LAMA2: variants seen among roughly 807,000 people sequenced by gnomAD.
LAMA2 encodes the protein laminin subunit alpha-2.
In LAMA2, 269 loss-of-function variants were observed where a neutral mutation model predicts 364.8. That is an observed-to-expected ratio of 0.74 (90% CI 0.67 to 0.82). The LOEUF (loss-of-function observed/expected upper bound fraction) is 0.82. Ranked by LOEUF, LAMA2 falls within the 40% of genes least tolerant of loss-of-function variation. The pLI is 0.00. For synonymous variants in LAMA2, 1,379 were observed against 1,370.6 expected (o/e 1.01, Z -0.14); for missense variants, 3,807 against 3,873.2 (o/e 0.98, Z 0.45).
intron 32 of LAMA2, among the ~76,000 whole-genome samples, chr6:129,356,466 A>G (rs1777158359): frequency 6.6e-6 from 1 of 152,056 alleles, no homozygotes; most frequent in Non-Finnish European, 1.5e-5. Flanking sequence ...TGGTTCTTTC[A>G]TTCTTGTAAC....
At chr6:128,909,617 G>A (rs1214804626) in intron 1 of LAMA2, among the ~76,000 whole-genome samples, 1 of 148,190 alleles carries the variant, frequency 6.7e-6, no homozygotes, top group East Asian at 2.0e-4. Context: ...CTTTTAATTG[G>A]AGCATTTAGT....
intron 28 of LAMA2, 21 bp from the exon 29 acceptor site, chr6:129,328,257 A>G (rs768554936): frequency 2.0e-5 from 33 of 1,610,682 alleles, no homozygotes; most frequent in Non-Finnish European, 2.7e-5. Flanking sequence ...TGCTGTCCTA[A>G]TTGGCTTCCT....
chr6:128,982,780 G>A (rs2114642179), intron 1 of LAMA2, among the ~76,000 whole-genome samples: 1 of 99,614 alleles, frequency 1.0e-5, no homozygotes, highest in South Asian at 3.4e-4. Flanking sequence ...CCCCACAACA[G>A]TCCCCAGAGT....
chr6:129,101,591 TAATTCA>T (rs1775524146), intron 4 of LAMA2, among the ~76,000 whole-genome samples: 1 of 152,222 alleles, frequency 6.6e-6, no homozygotes, highest in Non-Finnish European at 1.5e-5. Context: ...CCATATGTGG[TAATTCA>T]AATTTAAATT....
At chr6:129,475,709 AG>A (rs1784035878) in intron 53 of LAMA2, among the ~76,000 whole-genome samples, 1 of 152,046 alleles carries the variant, frequency 6.6e-6, no homozygotes, top group Non-Finnish European at 1.5e-5. Flanking sequence ...CACACTCAAA[AG>A]GCAGCTGGTC....
intron 35 of LAMA2, 43 bp from the exon 36 acceptor site, chr6:129,391,448 A>G (rs1202879450): frequency 6.7e-7 from 1 of 1,489,502 alleles, no homozygotes; most frequent in South Asian, 1.1e-5. Flanking sequence ...TTCATGTGGC[A>G]TGTTTGTTTA....
chr6:129,291,102 C>A (rs1789665020), intron 19 of LAMA2, among the ~76,000 whole-genome samples: 1 of 152,096 alleles, frequency 6.6e-6, no homozygotes. Flanking sequence ...GCCAGGGGTG[C>A]TATTAATTTT....
At chr6:129,368,845 T>G (rs1777918360) in intron 33 of LAMA2, among the ~76,000 whole-genome samples, 1 of 152,218 alleles carries the variant, frequency 6.6e-6, no homozygotes, top group South Asian at 2.1e-4. Context: ...TTATTTCACC[T>G]CTTTGCTCAA....
chr6:129,118,059 A>T (rs1220972286), intron 4 of LAMA2, among the ~76,000 whole-genome samples: 1 of 152,206 alleles, frequency 6.6e-6, no homozygotes, highest in Non-Finnish European at 1.5e-5. Context: ...TGCTTGTCTT[A>T]CCCATGAAAG....
chr6:129,356,380 A>G (rs2114600013), intron 32 of LAMA2, among the ~76,000 whole-genome samples: 1 of 152,154 alleles, frequency 6.6e-6, no homozygotes, highest in East Asian at 1.9e-4. Context: ...GTTCATCATA[A>G]TAGTAATTTT....
intron 1 of LAMA2, among the ~76,000 whole-genome samples, chr6:128,986,394 A>G (rs554631623): frequency 7.9e-5 from 12 of 152,240 alleles, no homozygotes; most frequent in African/African-American, 1.9e-4. Flanking sequence ...GTTAATATGT[A>G]GGTTGTTTCT....
In LAMA2 at chr6:129,117,783, A is replaced by T. The variant is rs371802638; in HGVS notation, c.639+19368A>T. ...CCTTTACAGTAACCTCATGCAATGT[A>T]CACTCTTGTTGTTCCCATTTTGCAA... On this transcript the variant is annotated intron_variant, in intron 4 of 64. Coordinates refer to ENST00000421865, the MANE Select transcript of LAMA2 (RefSeq NM_000426.4). Among the ~76,000 whole-genome samples the T allele has an allele frequency of 6.1e-3, 923 of 152,286 alleles. 9 individuals carry two copies. The highest frequency in any genetic ancestry group is 0.021 in the African/African-American group (884 of 41,550).
At chr6:129,400,555 A>G (rs747669986) in intron 37 of LAMA2, among the ~76,000 whole-genome samples, 7 of 152,242 alleles carry the variant, frequency 4.6e-5, no homozygotes, top group African/African-American at 9.6e-5. Context: ...TCAGAAGTAT[A>G]AAGAATAAAA....
intron 1 of LAMA2, among the ~76,000 whole-genome samples, chr6:128,995,267 T>G (rs930746532): frequency 2.0e-5 from 3 of 152,184 alleles, no homozygotes; most frequent in Non-Finnish European, 4.4e-5. Context: ...TATTGTGTGA[T>G]GCTGAGGTTT....
At chr6:129,061,932 G>C (rs1788950852) in intron 3 of LAMA2, among the ~76,000 whole-genome samples, 1 of 152,140 alleles carries the variant, frequency 6.6e-6, no homozygotes, top group African/African-American at 2.4e-5. Context: ...GTGTGTAGAA[G>C]AAGGGGAATT....
intron 18 of LAMA2, among the ~76,000 whole-genome samples, chr6:129,286,550 TATAA>T (rs1223801904): frequency 2.3e-5 from 1 of 44,332 alleles, no homozygotes; most frequent in African/African-American, 9.3e-5. Flanking sequence ...TAATATATTA[TATAA>T]ATAGTTTTAT....
intron 8 of LAMA2, chr6:129,158,944 GA>G (rs1408763951): frequency 6.3e-7 from 1 of 1,595,238 alleles, no homozygotes; most frequent in Non-Finnish European, 8.6e-7. Flanking sequence ...AATAGCACTT[GA>G]AAAAAGGCAA....
chr6:129,290,609 A>G (rs1187288237), intron 19 of LAMA2, among the ~76,000 whole-genome samples: 2 of 152,200 alleles, frequency 1.3e-5, no homozygotes, highest in East Asian at 3.8e-4. Flanking sequence ...GAAATTTAAC[A>G]AAATCATCTA....
chr6:129,156,933 C>CT (rs1218618682), intron 8 of LAMA2, among the ~76,000 whole-genome samples: 9 of 152,074 alleles, frequency 5.9e-5, no homozygotes, highest in Non-Finnish European at 1.3e-4. Flanking sequence ...CCTGTGCATG[C>CT]ATATAAATTA....
Sources: gnomAD v4.1 joint callset for allele counts (sites outside exome capture counted in the v4.1 genomes callset) on GRCh38, gnomAD v4.1.1 for gene constraint, MANE v1.5 for transcripts, NCBI Gene and HGNC (gene_info 2026-07-23, HGNC 2026-07-21) for gene names.